Variants in RCC2 observed in about 807,000 individuals in gnomAD.
RCC2 encodes regulator of chromosome condensation 2, also known as protein RCC2.
In RCC2, 19 loss-of-function variants were observed where a neutral mutation model predicts 64.1. The observed-to-expected ratio is 0.30, with a 90% CI of 0.21 to 0.44. RCC2 has a LOEUF of 0.44. RCC2 is among the 20% of genes least tolerant of loss of function. The pLI, the probability that RCC2 is intolerant of heterozygous loss-of-function variation, is 1.00. For synonymous variants in RCC2, 325 were observed against 279.6 expected, an observed-to-expected ratio of 1.16 and a Z score of -1.62; for missense variants, 508 against 710.4, an observed-to-expected ratio of 0.72 and a Z score of 3.24.
chr1:17,429,038 G>T, intron 3 of RCC2, 68 bp downstream of exon 3: 1 of 1,201,706 alleles, frequency 8.3e-7, no homozygotes, highest in Non-Finnish European at 1.2e-6. Flanking sequence ...ATACCTACCA[G>T]GCAGGTGGTC....
rs551886355 is a variant in RCC2 at position 17,422,272 on chromosome 1, C to G, written c.675G>C (p.Ala225=). The change falls in exon 6 of 13, where the codon GCG becomes GCC. Residue 225 remains alanine (A), a synonymous_variant. Coordinates refer to ENST00000375436, the MANE Select transcript of RCC2 (RefSeq NM_018715.4). ...GCTGCCCCATCTTGTTTTCCCCAAA[C>G]GCAAACACGGAGCCCGTTTCTGGAA... is the stretch of plus-strand genomic sequence containing the variant. ...LALTETGSVF[A]FGENKMGQLG... is the part of the protein sequence containing the mutation. The G allele has an allele frequency of 6.2e-7, 1 of 1,611,470 alleles. No homozygotes were observed. The highest frequency in any genetic ancestry group is 8.5e-7 in the Non-Finnish European group (1 of 1,179,658).
intron 10 of RCC2, 72 bp downstream of exon 10, chr1:17,413,001 C>G (rs2075443514): frequency 1.8e-6 from 2 of 1,128,376 alleles, no homozygotes; most frequent in African/African-American, 3.1e-5. Context: ...CAGGGAGGGG[C>G]ACCCCATGGG....
At position 17,408,953 on chromosome 1, in the gene RCC2, C is replaced by T. The variant is rs1308920241; in HGVS notation, c.*137G>A. Reference sequence around the variant, plus strand: ...ACGTTGGATCATGTGTAAAACGGAACCTCAGGGAGTCTAAACAAAAATGCA... The same window carrying T: ...ACGTTGGATCATGTGTAAAACGGAATCTCAGGGAGTCTAAACAAAAATGCA... On this transcript the variant is annotated 3_prime_UTR_variant, in exon 13 of 13. Coordinates refer to ENST00000375436, the MANE Select transcript of RCC2 (RefSeq NM_018715.4). 2.3e-5 allele frequency: 16 copies of T among 705,998 alleles called. No homozygotes were observed. Among genetic ancestry groups the T allele is most frequent in the Admixed American group, 6.4e-5 (3 of 47,066 alleles). The allele number at this position is 705,998 out of a possible 1,614,324, so 43.7% of individuals were successfully genotyped here. A position where few individuals can be genotyped will look rare whatever the true frequency, so the allele number is the denominator to read the frequency against.
chr1:17,432,748 A>G (rs1287756514), intron 2 of RCC2, among the ~76,000 whole-genome samples: 1 of 152,190 alleles, frequency 6.6e-6, no homozygotes, highest in African/African-American at 2.4e-5. Flanking sequence ...ATGAAGACTG[A>G]TCCATCAAGC....
At chr1:17,413,792 C>A in intron 8 of RCC2, 75 bp from the exon 9 acceptor site, 1 of 1,340,638 alleles carries the variant, frequency 7.5e-7, no homozygotes, top group Non-Finnish European at 1.0e-6. Context: ...CGTTTCTGTG[C>A]AGACAACCTG....
intron 6 of RCC2, among the ~76,000 whole-genome samples, 193 bp downstream of exon 6, chr1:17,422,010 A>G (rs1355705896): frequency 6.6e-6 from 1 of 152,150 alleles, no homozygotes; most frequent in African/African-American, 2.4e-5. Flanking sequence ...GGGCAAAAAG[A>G]GTGAAACTCC....
chr1:17,414,193 G>A (rs1034520912), intron 8 of RCC2, among the ~76,000 whole-genome samples: 2 of 152,094 alleles, frequency 1.3e-5, no homozygotes, highest in African/African-American at 2.4e-5. Flanking sequence ...GAAGCAACAG[G>A]GCTATGTCTC....
intron 7 of RCC2, 138 bp downstream of exon 7, chr1:17,420,576 G>GT: frequency 2.0e-6 from 1 of 509,850 alleles, no homozygotes; most frequent in Non-Finnish European, 3.5e-6. Context: ...CTGAACGTGA[G>GT]ATCCACTTAA....
intron 6 of RCC2, 149 bp downstream of exon 6, chr1:17,422,054 A>G (rs2075561810): frequency 3.7e-6 from 2 of 539,950 alleles, no homozygotes; most frequent in Non-Finnish European, 6.4e-6. Flanking sequence ...AAAAAAACAA[A>G]CAAAAAAACT....
intron 2 of RCC2, 112 bp downstream of exon 2, chr1:17,438,118 C>T: frequency 3.7e-6 from 3 of 821,224 alleles, no homozygotes; most frequent in Non-Finnish European, 3.0e-6. Context: ...GCCCGGCCGC[C>T]GGGAGGGAGC....
intron 8 of RCC2, 73 bp from the exon 9 acceptor site, chr1:17,413,790 T>A: frequency 7.3e-7 from 1 of 1,365,894 alleles, no homozygotes; most frequent in Non-Finnish European, 1.0e-6. Flanking sequence ...ATCGTTTCTG[T>A]GCAGACAACC....
chr1:17,438,222 TC>T lies in RCC2; in HGVS notation c.285+7del. On this transcript the variant is annotated splice_region_variant and intron_variant, in intron 2 of 12. Transcript: ENST00000375436. ...TGCGCCCACCCGTCTACCCTGACCC[TC>T]ACTCACGACGCGCTCCTTGGTGTGC... 7.8e-7 allele frequency: 1 copy of T among 1,285,640 alleles called. No individual in the cohort carries two copies. The highest frequency in any genetic ancestry group is 1.8e-5 in the South Asian group (1 of 54,270). 79.6% of individuals were successfully genotyped at this position (1,285,640 alleles called of 1,614,324 possible).
At chr1:17,414,021 G>A (rs376730790) in intron 8 of RCC2, among the ~76,000 whole-genome samples, 8 of 152,102 alleles carry the variant, frequency 5.3e-5, no homozygotes, top group African/African-American at 1.2e-4. Context: ...TCTACCTCCC[G>A]CCTCCAGCAG....
chr1:17,431,359 A>ATAAAAAATATATATATATATATATAT (rs1265674393), intron 2 of RCC2, among the ~76,000 whole-genome samples: 2 of 44,938 alleles, frequency 4.5e-5, no homozygotes, highest in Non-Finnish European at 7.6e-5. Flanking sequence ...AAAAAAAAAA[A>ATAAAAAATATATATATATATATATAT]ATATATATAT....
At chr1:17,437,894 G>A (rs966830393) in intron 2 of RCC2, among the ~76,000 whole-genome samples, 6 of 145,636 alleles carry the variant, frequency 4.1e-5, no homozygotes, top group African/African-American at 1.5e-4. Flanking sequence ...CGGGGCGGGG[G>A]GGGAGGGGCG....
intron 3 of RCC2, among the ~76,000 whole-genome samples, chr1:17,426,030 G>A (rs767155216): frequency 5.3e-5 from 8 of 152,112 alleles, no homozygotes; most frequent in South Asian, 2.1e-4. Context: ...GCAAGTGCCC[G>A]GGACCTGGTG....
chr1:17,427,524 C>G (rs936339569), intron 3 of RCC2, among the ~76,000 whole-genome samples: 62 of 152,198 alleles, frequency 4.1e-4, no homozygotes, highest in African/African-American at 1.4e-3. Context: ...CTGTATTAAA[C>G]AAAACTCGGA....
intron 2 of RCC2, among the ~76,000 whole-genome samples, chr1:17,433,410 C>A (rs1425750241): frequency 6.6e-6 from 1 of 152,178 alleles, no homozygotes; most frequent in East Asian, 1.9e-4. Context: ...CTTGCGGGCT[C>A]CACCCGGGGC....
intron 2 of RCC2, among the ~76,000 whole-genome samples, chr1:17,433,967 T>C (rs984500579): frequency 1.5e-4 from 23 of 152,124 alleles, no homozygotes; most frequent in African/African-American, 5.3e-4. Flanking sequence ...TGTCTCAGGG[T>C]CCACAAAACC....
Sources: gnomAD v4.1 joint callset for allele counts (sites outside exome capture counted in the v4.1 genomes callset) on GRCh38, gnomAD v4.1.1 for gene constraint, MANE v1.5 for transcripts, NCBI Gene and HGNC (gene_info 2026-07-23, HGNC 2026-07-21) for gene names.